The following AHCTF1 variants were observed in gnomAD, a reference collection of about 807,000 sequenced individuals.
AHCTF1 encodes the protein protein ELYS.
AHCTF1 carries 24 observed loss-of-function variants against 248.4 expected under a neutral mutation model. The observed-to-expected ratio is 0.10, with a 90% CI of 0.07 to 0.14. The LOEUF (loss-of-function observed/expected upper bound fraction) is 0.14, where lower values mean the gene tolerates loss of function less well. AHCTF1 is among the 10% of genes least tolerant of loss of function. AHCTF1 has a pLI of 1.00. For missense variants in AHCTF1, 2,206 were observed against 2,636.2 expected (o/e 0.84, Z 3.57); for synonymous variants, 786 against 929.8 (o/e 0.85, Z 2.81).
intron 24 of AHCTF1, among the ~76,000 whole-genome samples, chr1:246,872,343 C>T (rs1288046061): frequency 2.0e-5 from 3 of 152,078 alleles, no homozygotes; most frequent in African/African-American, 7.2e-5. Flanking sequence ...TACAGTGATG[C>T]CCCAGGACCC....
At chr1:246,901,617 AAAAC>A in intron 8 of AHCTF1, among the ~76,000 whole-genome samples, 1 of 152,032 alleles carries the variant, frequency 6.6e-6, no homozygotes, top group East Asian at 1.9e-4. Context: ...CCATCTCAAA[AAAAC>A]AAAACAAAAA....
At chr1:246,895,014 A>C (rs1369297695) in intron 13 of AHCTF1, among the ~76,000 whole-genome samples, 1 of 151,664 alleles carries the variant, frequency 6.6e-6, no homozygotes. Flanking sequence ...CTATAAAATA[A>C]GGCCTAATTC....
Position 246,913,140 on chromosome 1 carries a change from C to T in AHCTF1, c.556+92G>A. The T allele has an allele frequency of 8.5e-6, 9 of 1,057,096 alleles. No homozygotes were observed. In the South Asian group the frequency reaches 8.9e-5, roughly 10 times the overall value. 65.5% of individuals were successfully genotyped at this position (1,057,096 alleles called of 1,614,324 possible). ...TAGGAAGATATCTTTTATTTTACTC[C>T]AGCTGCTATAAAAAAATTTGGCTAC... is the stretch of plus-strand genomic sequence containing the variant. On this transcript the variant is annotated intron_variant, in intron 4 of 35. Transcript: ENST00000648844.
intron 33 of AHCTF1, among the ~76,000 whole-genome samples, chr1:246,844,224 A>C (rs999760484): frequency 6.6e-6 from 1 of 152,334 alleles, no homozygotes; most frequent in East Asian, 1.9e-4. Flanking sequence ...ATTTCTTTTA[A>C]TCCGTACTGC....
At position 246,850,861 on chromosome 1, in the gene AHCTF1, A is replaced by T; in HGVS notation, c.5145T>A (p.Phe1715Leu). ...MCPTKLVKSA[F>L]KTAQETSTMT... ...TTGTGCTTGTTTCCTGAGCAGTCTT[A>T]AATGCAGATTTGACCAATTTAGTGG... Residue 1715 changes from phenylalanine to leucine, a missense_variant, in exon 33 of 36, where the codon TTT (phenylalanine) becomes TTA (leucine). By Grantham distance (22) the Phe-to-Leu change is conservative. This residue lies in a region of AHCTF1 where 955 missense variants were observed against 1,055.6 expected (regional missense o/e 0.90). Coordinates refer to ENST00000648844, the MANE Select transcript of AHCTF1 (RefSeq NM_001323342.2). The T allele has an allele frequency of 6.2e-7, 1 of 1,613,968 alleles. No individual in the cohort carries two copies. The highest frequency in any genetic ancestry group is 8.5e-7 in the Non-Finnish European group (1 of 1,179,862).
intron 26 of AHCTF1, among the ~76,000 whole-genome samples, 172 bp downstream of exon 26, chr1:246,867,072 A>G (rs2103078639): frequency 6.6e-6 from 1 of 152,346 alleles, no homozygotes; most frequent in East Asian, 1.9e-4. Context: ...GTATACTACT[A>G]CCTGATGTAA....
At chr1:246,870,159 C>T (rs1572394663) in intron 24 of AHCTF1, among the ~76,000 whole-genome samples, 1 of 152,272 alleles carries the variant, frequency 6.6e-6, no homozygotes, top group Non-Finnish European at 1.5e-5. Flanking sequence ...GAAGCAGAGC[C>T]TAGGCCAGGC....
chr1:246,922,400 T>A (rs1195511918), intron 1 of AHCTF1, among the ~76,000 whole-genome samples: 1 of 151,286 alleles, frequency 6.6e-6, no homozygotes, highest in Non-Finnish European at 1.5e-5. Context: ...GCACACTGTA[T>A]ATCAACAGTA....
In AHCTF1 at chr1:246,876,967, G is replaced by C; in HGVS notation, c.2920C>G (p.Leu974Val). The change falls in exon 23 of 36, where the codon CTG (leucine) becomes GTG (valine). Residue 974 changes from leucine (L) to valine (V), a missense_variant. By Grantham distance (32) the Leu-to-Val change is conservative (BLOSUM62 1). Transcript: ENST00000648844. The stretch of plus-strand genomic sequence containing the variant: ...AATCGTACCATAACATTAATCTTCA[G>C]AGTTTGGTTCAGCTTCAAGGCAGGC... ...YVPALKLNQT[L>V]KINVMNDRDP... 3.1e-6 allele frequency: 5 copies of C among 1,611,902 alleles called. No homozygotes were observed. Among genetic ancestry groups the C allele is most frequent in the Non-Finnish European group, 4.2e-6 (5 of 1,179,820 alleles).
Position 246,879,820 on chromosome 1 carries a change from T to C in AHCTF1, c.2661-2518A>G, listed in dbSNP as rs868184042. Among the ~76,000 whole-genome samples the C allele has an allele frequency of 2.7e-5, 4 of 150,072 alleles. No individual in the cohort carries two copies. The South Asian group carries it at 6.3e-4, about 24-fold the overall frequency. ...TCCAGCCTGGGTGACAAAGTGAGAC[T>C]CTGTTCCCCCAACCCCGCCAAAAAA... is the stretch of plus-strand genomic sequence containing the variant. On this transcript the variant is annotated intron_variant, in intron 21 of 35. Coordinates refer to ENST00000648844, the MANE Select transcript of AHCTF1 (RefSeq NM_001323342.2).
At chr1:246,864,330 T>G (rs1438782553) in intron 26 of AHCTF1, 6 of 468,572 alleles carry the variant, frequency 1.3e-5, no homozygotes, top group Non-Finnish European at 2.2e-5. Flanking sequence ...TAGCAACTGA[T>G]TTTTAAAAAG....
Position 246,861,078 on chromosome 1 carries a change from G to A in AHCTF1, c.3953C>T (p.Thr1318Ile). The A allele has an allele frequency of 1.2e-6, 2 of 1,614,090 alleles. No homozygotes were observed. The highest frequency in any genetic ancestry group is 1.7e-6 in the Non-Finnish European group (2 of 1,179,992). Residue 1318 changes from threonine (T) to isoleucine (I), a missense_variant, in exon 29 of 36, where the codon ACC becomes ATC. Around this residue, in one of 6 missense-constraint regions of AHCTF1, gnomAD observed 955 missense variants for 1,055.6 expected, o/e 0.90. Coordinates refer to ENST00000648844, the MANE Select transcript of AHCTF1 (RefSeq NM_001323342.2). ...TGACGGTGCATCCTGATACTCTAAG[G>A]TAGTCTCATCGGATGTGATTGAAAC... Reference protein sequence around the residue: ...SSVSITSDETTLEYQDAPSPE... With the variant: ...SSVSITSDETILEYQDAPSPE...
intron 17 of AHCTF1, among the ~76,000 whole-genome samples, chr1:246,889,567 TG>T (rs1392193426): frequency 6.6e-6 from 1 of 152,192 alleles, no homozygotes; most frequent in Non-Finnish European, 1.5e-5. Context: ...TTCCCACAAT[TG>T]CCATGCATCA....
intron 2 of AHCTF1, 77 bp from the exon 3 acceptor site, chr1:246,916,472 CAACTAT>C (rs1666155403): frequency 2.3e-6 from 3 of 1,279,338 alleles, no homozygotes; most frequent in Non-Finnish European, 3.3e-6. Flanking sequence ...CATTTACATA[CAACTAT>C]ATGTTCATTA....
At chr1:246,882,156 C>T (rs1306694078) in intron 21 of AHCTF1, among the ~76,000 whole-genome samples, 6 of 151,694 alleles carry the variant, frequency 4.0e-5, no homozygotes, top group African/African-American at 9.7e-5. Context: ...CACCACCTCG[C>T]CCAGCTAATT....
chr1:246,863,910 G>A lies in AHCTF1; in HGVS notation c.3540+14C>T. On this transcript the variant is annotated intron_variant, in intron 27 of 35. Transcript: ENST00000648844. The stretch of plus-strand genomic sequence containing the variant: ...TCTAGTTTGATTGTGAACGCTAGAT[G>A]CGTAAATACTAACCTTAACTACAAG... The A allele has an allele frequency of 1.9e-6, 3 of 1,612,674 alleles. No homozygotes were observed. Among genetic ancestry groups the A allele is most frequent in the Non-Finnish European group, 2.5e-6 (3 of 1,178,822 alleles).
intron 2 of AHCTF1, 30 bp downstream of exon 2, chr1:246,918,220 T>C (rs1379003995): frequency 1.3e-6 from 2 of 1,578,488 alleles, no homozygotes; most frequent in African/African-American, 2.7e-5. Flanking sequence ...ATCAATTGTA[T>C]TAGTAAATGT....
At chr1:246,857,562 C>T in intron 30 of AHCTF1, 129 bp downstream of exon 30, 2 of 1,001,216 alleles carry the variant, frequency 2.0e-6, no homozygotes, top group Non-Finnish European at 2.8e-6. Context: ...TTTAAAACAG[C>T]CAACATTACC....
intron 7 of AHCTF1, among the ~76,000 whole-genome samples, chr1:246,903,144 C>T (rs1053041239): frequency 2.6e-5 from 4 of 152,174 alleles, no homozygotes; most frequent in Non-Finnish European, 4.4e-5. Flanking sequence ...CCCTGAAACC[C>T]GTTTCTATAC....
Sources: gnomAD v4.1 joint callset for allele counts (sites outside exome capture counted in the v4.1 genomes callset) on GRCh38, gnomAD v4.1.1 for gene constraint, gnomAD v4.1.1 regional missense constraint, MANE v1.5 for transcripts, NCBI Gene and HGNC (gene_info 2026-07-23, HGNC 2026-07-21) for gene names.